ETV1: variants seen among roughly 807,000 people sequenced by gnomAD.
The protein encoded by ETV1 is ETS variant transcription factor 1.
Under a neutral mutation model 62.3 loss-of-function variants are expected in ETV1, and 27 were observed. The ratio of observed to expected loss-of-function variants is 0.43; its 90% CI spans 0.32 to 0.60. The LOEUF (loss-of-function observed/expected upper bound fraction) is 0.60, where lower values mean the gene tolerates loss of function less well. ETV1 is among the 20% of genes least tolerant of loss of function. The pLI is 0.06. For synonymous variants in ETV1, 222 were observed against 199.6 expected (o/e 1.11, Z -0.94); for missense variants, 605 against 605.8 (o/e 1.00, Z 0.01).
chr7:13,924,326 A>C (rs1785178082), intron 9 of ETV1, among the ~76,000 whole-genome samples: 1 of 152,188 alleles, frequency 6.6e-6, no homozygotes, highest in African/African-American at 2.4e-5. Context: ...TTAATTAGCC[A>C]CTTTTTCTTC....
chr7:13,935,073 G>A (rs1004363903), intron 8 of ETV1, among the ~76,000 whole-genome samples: 4 of 152,154 alleles, frequency 2.6e-5, no homozygotes, highest in African/African-American at 4.8e-5. Context: ...TTAATCTCAA[G>A]GAGTCATGAA....
chr7:13,905,304 A>C (rs1782848079), intron 12 of ETV1, among the ~76,000 whole-genome samples: 1 of 152,154 alleles, frequency 6.6e-6, no homozygotes, highest in African/African-American at 2.4e-5. Context: ...TATGAAAATC[A>C]CTTTGGGTTC....
Position 13,920,754 on chromosome 7 carries a change from A to G in ETV1, c.803-9447T>C, listed in dbSNP as rs1784754254. 2.0e-5 allele frequency among the ~76,000 whole-genome samples: 3 copies of G among 152,324 alleles called. No individual in the cohort carries two copies. In the South Asian group the frequency reaches 6.2e-4, roughly 32 times the overall value. On this transcript the variant is annotated intron_variant, in intron 9 of 13. Transcript: ENST00000430479. ...TACTGTAACTGTAGATTTAGAGCAT[A>G]TTTAAGTATTTCTTAGAAAAACTGA...
chr7:13,984,383 T>C (rs1051505556), intron 5 of ETV1, among the ~76,000 whole-genome samples: 1 of 151,976 alleles, frequency 6.6e-6, no homozygotes, highest in Non-Finnish European at 1.5e-5. Flanking sequence ...ACTAGGGTAA[T>C]TTGGGGATCT....
chr7:13,920,696 C>T (rs6969848), intron 9 of ETV1, among the ~76,000 whole-genome samples: 25,618 of 152,100 alleles, frequency 0.17, 2,729 homozygotes, highest in African/African-American at 0.31. Flanking sequence ...GTAGTCTCAA[C>T]TCTCAAATCA....
upstream of ETV1, chr7:13,989,682 G>T (rs961738405): frequency 1.8e-5 from 7 of 398,604 alleles, no homozygotes; most frequent in Non-Finnish European, 2.7e-5. Context: ...AGCTCAATTC[G>T]GTGGTTTTTC....
In ETV1 at chr7:13,989,628, T is replaced by C. The variant is rs1371904711; in HGVS notation, c.-350A>G. The C allele has an allele frequency of 7.5e-6, 3 of 398,994 alleles. No homozygotes were observed. The highest frequency in any genetic ancestry group is 1.3e-5 in the Non-Finnish European group (3 of 226,162). 24.7% of individuals were successfully genotyped at this position (398,994 alleles called of 1,614,324 possible). Reference sequence around the variant, plus strand: ...CCAAATTTAATAAAAACATTAATTATAGCCCAGCACTTCCCCCTTGGAAGC... The same window carrying C: ...CCAAATTTAATAAAAACATTAATTACAGCCCAGCACTTCCCCCTTGGAAGC... On this transcript the variant is annotated 5_prime_UTR_variant, in exon 1 of 14. Coordinates refer to ENST00000430479, the MANE Select transcript of ETV1 (RefSeq NM_004956.5).
At chr7:13,979,018 A>T (rs17167722) in intron 5 of ETV1, among the ~76,000 whole-genome samples, 4,241 of 152,184 alleles carry the variant, frequency 0.028, 136 homozygotes, top group East Asian at 0.16. Flanking sequence ...CTATTTGATC[A>T]GCCTATATTG....
At chr7:13,915,673 C>G (rs146512005) in intron 9 of ETV1, among the ~76,000 whole-genome samples, 1 of 152,220 alleles carries the variant, frequency 6.6e-6, no homozygotes, top group African/African-American at 2.4e-5. Context: ...GCCTGCTTTT[C>G]CAATTGTCAC....
At chr7:13,926,486 G>C (rs959582243) in intron 9 of ETV1, among the ~76,000 whole-genome samples, 4 of 152,154 alleles carry the variant, frequency 2.6e-5, no homozygotes, top group African/African-American at 9.7e-5. Context: ...TCATGAAAAT[G>C]AGAAAACAGT....
At chr7:13,910,046 C>T (rs1453176310) in intron 10 of ETV1, among the ~76,000 whole-genome samples, 4 of 151,970 alleles carry the variant, frequency 2.6e-5, no homozygotes, top group African/African-American at 4.8e-5. Context: ...TTAGATTCAT[C>T]TAAATTTTAT....
intron 9 of ETV1, among the ~76,000 whole-genome samples, chr7:13,922,009 A>G (rs543365539): frequency 1.7e-4 from 26 of 152,198 alleles, no homozygotes; most frequent in Admixed American, 5.9e-4. Context: ...TAATTGTAAT[A>G]TGTTGTCTAA....
intron 4 of ETV1, among the ~76,000 whole-genome samples, chr7:13,987,852 G>A (rs7789766): frequency 0.58 from 87,495 of 152,032 alleles, 25,529 homozygotes; most frequent in African/African-American, 0.65. Flanking sequence ...ATTAAAAGAA[G>A]GTTGTCATTG....
intron 9 of ETV1, among the ~76,000 whole-genome samples, chr7:13,913,826 T>C (rs1374721593): frequency 2.0e-5 from 3 of 151,114 alleles, no homozygotes; most frequent in Non-Finnish European, 4.4e-5. Flanking sequence ...TATAAACTTA[T>C]AAGGTTTAAG....
At chr7:13,902,647 A>G in intron 12 of ETV1, among the ~76,000 whole-genome samples, 1 of 152,184 alleles carries the variant, frequency 6.6e-6, no homozygotes, top group East Asian at 1.9e-4. Flanking sequence ...GCAAACCTGG[A>G]GGGGATGTGA....
At chr7:13,930,152 C>A (rs1785921204) in intron 9 of ETV1, among the ~76,000 whole-genome samples, 2 of 152,012 alleles carry the variant, frequency 1.3e-5, no homozygotes, top group South Asian at 4.1e-4. Context: ...TACATGGTAA[C>A]CTTATAAACA....
chr7:13,891,608 T>C lies in ETV1; in HGVS notation c.*4258A>G, dbSNP rs575927930. On this transcript the variant is annotated 3_prime_UTR_variant, in exon 14 of 14. Transcript: ENST00000430479. ...TAAGTATGTCAAAGTGAGTCTCATG[T>C]ATATAAAAAAAGAAGTCCTAAAAGT... The C allele has an allele frequency of 4.3e-6, 1 of 231,952 alleles. No homozygotes were observed. The highest frequency in any genetic ancestry group is 2.2e-5 in the African/African-American group (1 of 45,422). The allele number at this position is 231,952 out of a possible 1,614,324, so 14.4% of individuals were successfully genotyped here. A position where few individuals can be genotyped will look rare whatever the true frequency, so the allele number is the denominator to read the frequency against.
Position 13,911,228 on chromosome 7 carries a change from G to A in ETV1, c.871+11C>T, listed in dbSNP as rs2128420239. Reference sequence around the variant, plus strand: ...GGTATTTACACGGAATTTCAGTGGTGGACAACTTAACTTCTGTTCTGCTGG... The same window carrying A: ...GGTATTTACACGGAATTTCAGTGGTAGACAACTTAACTTCTGTTCTGCTGG... On this transcript the variant is annotated intron_variant, in intron 10 of 13. Coordinates refer to ENST00000430479, the MANE Select transcript of ETV1 (RefSeq NM_004956.5). 6.2e-7 allele frequency: 1 copy of A among 1,603,138 alleles called. No homozygotes were observed.
chr7:13,925,174 C>T (rs1265250714), intron 9 of ETV1, among the ~76,000 whole-genome samples: 1 of 152,150 alleles, frequency 6.6e-6, no homozygotes, highest in Non-Finnish European at 1.5e-5. Context: ...TCCCTCTCTT[C>T]ATTCCCTACT....
Sources: gnomAD v4.1 joint callset for allele counts (sites outside exome capture counted in the v4.1 genomes callset) on GRCh38, gnomAD v4.1.1 for gene constraint, MANE v1.5 for transcripts, NCBI Gene and HGNC (gene_info 2026-07-23, HGNC 2026-07-21) for gene names.